Variants in GCNT1 observed in about 807,000 individuals in gnomAD.
GCNT1 encodes beta-1,3-galactosyl-O-glycosyl-glycoprotein beta-1,6-N-acetylglucosaminyltransferase.
In GCNT1, 16 loss-of-function variants were observed where a neutral mutation model predicts 26.2. The observed-to-expected ratio is 0.61, with a 90% CI of 0.41 to 0.93. GCNT1 has a LOEUF of 0.93. Among genes scored for constraint, GCNT1 ranks in the 40% least tolerant of loss-of-function variants. The pLI, the probability that GCNT1 is intolerant of heterozygous loss-of-function variation, is 0.00. For synonymous variants in GCNT1, 183 were observed against 190.8 expected (o/e 0.96, Z 0.34); for missense variants, 477 against 526.7 (o/e 0.91, Z 0.92).
chr9:76,478,060 C>T (rs968457383), intron 2 of GCNT1, among the ~76,000 whole-genome samples: 1 of 152,148 alleles, frequency 6.6e-6, no homozygotes, highest in African/African-American at 2.4e-5. Context: ...CCAATCAGCA[C>T]TCTGTAAAAT....
upstream of GCNT1, among the ~76,000 whole-genome samples, chr9:76,415,570 G>A (rs555492640): frequency 2.0e-5 from 3 of 152,316 alleles, no homozygotes; most frequent in South Asian, 4.1e-4. Context: ...GTAGAGGGAA[G>A]CCATTTCCCC....
At chr9:76,486,495 T>A (rs933819131) in intron 2 of GCNT1, among the ~76,000 whole-genome samples, 2 of 152,214 alleles carry the variant, frequency 1.3e-5, no homozygotes, top group Non-Finnish European at 2.9e-5. Flanking sequence ...TTAGTCTACC[T>A]TTCAGCAGAA....
At chr9:76,396,623 C>T in the GCNT1 span, among the ~76,000 whole-genome samples, 1 of 152,062 alleles carries the variant, frequency 6.6e-6, no homozygotes, top group Non-Finnish European at 1.5e-5. Flanking sequence ...CGGTGGATCA[C>T]TTGAGCTCAG....
At chr9:76,443,937 GGA>G (rs1823526648) in intron 1 of GCNT1, among the ~76,000 whole-genome samples, 1 of 55,056 alleles carries the variant, frequency 1.8e-5, no homozygotes, top group African/African-American at 6.9e-5. Flanking sequence ...AAGAAAGGAA[GGA>G]AGGAAGGAAG....
intron 1 of GCNT1, among the ~76,000 whole-genome samples, chr9:76,421,038 G>T (rs1823183927): frequency 6.6e-6 from 1 of 151,904 alleles, no homozygotes; most frequent in African/African-American, 2.4e-5. Context: ...GTTAGTGGTG[G>T]TTCTGAATGT....
At chr9:76,498,760 C>T (rs1244130872) in intron 2 of GCNT1, among the ~76,000 whole-genome samples, 1 of 98,488 alleles carries the variant, frequency 1.0e-5, no homozygotes, top group Non-Finnish European at 2.0e-5. Flanking sequence ...GCAACAAGAG[C>T]AAAATTCCAG....
chr9:76,398,832 G>T, the GCNT1 span: 17 of 1,402,690 alleles, frequency 1.2e-5, no homozygotes, highest in Non-Finnish European at 1.5e-5. Context: ...AAAAGTAATG[G>T]CATCTATATC....
At chr9:76,428,939 A>G (rs1823296840) in intron 1 of GCNT1, among the ~76,000 whole-genome samples, 1 of 152,126 alleles carries the variant, frequency 6.6e-6, no homozygotes, top group Admixed American at 6.6e-5. Flanking sequence ...ACCTCAGGTG[A>G]TCTGTCTGCC....
the GCNT1 span, among the ~76,000 whole-genome samples, chr9:76,401,635 T>G: frequency 1.3e-5 from 2 of 152,222 alleles, no homozygotes; most frequent in Admixed American, 6.5e-5. Flanking sequence ...AGAGCAAACA[T>G]GTTTATTATC....
intron 2 of GCNT1, among the ~76,000 whole-genome samples, chr9:76,496,540 A>G (rs1025487849): frequency 2.0e-5 from 3 of 152,006 alleles, no homozygotes; most frequent in Non-Finnish European, 2.9e-5. Flanking sequence ...TTCCCACTCC[A>G]TTAAGCACTC....
the GCNT1 span, among the ~76,000 whole-genome samples, chr9:76,413,894 G>A: frequency 6.6e-6 from 1 of 151,690 alleles, no homozygotes; most frequent in African/African-American, 2.4e-5. Context: ...TTTTTGTCCA[G>A]TCTTTTTTGT....
chr9:76,401,459 T>C, the GCNT1 span, among the ~76,000 whole-genome samples: 1 of 152,184 alleles, frequency 6.6e-6, no homozygotes, highest in African/African-American at 2.4e-5. Context: ...ACCACAAATG[T>C]ATTTGTGGTT....
intron 1 of GCNT1, among the ~76,000 whole-genome samples, chr9:76,443,894 A>AAAGGAAGGAAGAAAGG (rs1554731372): frequency 5.5e-5 from 7 of 127,398 alleles, no homozygotes; most frequent in African/African-American, 2.3e-4. Context: ...AGAAAGAAAG[A>AAAGGAAGGAAGAAAGG]AAGAAAGGAA....
chr9:76,483,060 G>A (rs1341201820), intron 2 of GCNT1, among the ~76,000 whole-genome samples: 2 of 152,032 alleles, frequency 1.3e-5, no homozygotes, highest in African/African-American at 2.4e-5. Context: ...TCTAATATTT[G>A]TATTACAATG....
rs150237391 is a variant in GCNT1 at position 76,484,994 on chromosome 9, G to A, written c.-289-15922G>A. Among the ~76,000 whole-genome samples, 824 of 151,924 alleles carry A rather than the reference G, an allele frequency of 5.4e-3. 9 individuals are homozygous for A. Among genetic ancestry groups the A allele is most frequent in the South Asian group, 0.052 (249 of 4,798 alleles). On this transcript the variant is annotated intron_variant, in intron 2 of 3. Coordinates refer to ENST00000376730, the MANE Select transcript of GCNT1 (RefSeq NM_001490.5). ...AGTAAACACGGGGTTTCACCATGTT[G>A]GCCAGGCTTGTCTCAAACTCCAGAC...
chr9:76,477,429 G>C (rs1028467126), intron 2 of GCNT1, among the ~76,000 whole-genome samples: 5 of 151,978 alleles, frequency 3.3e-5, no homozygotes, highest in Non-Finnish European at 7.4e-5. Flanking sequence ...AGGAGGCTGA[G>C]GCAGGAGAAT....
chr9:76,433,691 G>T lies in GCNT1; in HGVS notation n.38+13804G>T, dbSNP rs147203177. Among the ~76,000 whole-genome samples, 984 of 152,312 alleles carry T rather than the reference G, an allele frequency of 6.5e-3. 11 individuals are homozygous for T. Among genetic ancestry groups the T allele is most frequent in the Non-Finnish European group, 9.8e-3 (667 of 68,024 alleles). ...AGGCTGAGTGGGCAGGGTGCCTCTTGCAGGGAGCCCTGGGCTGAGGGAAGC... is the reference window on the plus strand; with the variant it reads ...AGGCTGAGTGGGCAGGGTGCCTCTTTCAGGGAGCCCTGGGCTGAGGGAAGC... On this transcript the variant is annotated intron_variant and non_coding_transcript_variant, in intron 1 of 3. Transcript: ENST00000488136.
At chr9:76,478,232 G>A (rs1824307257) in intron 2 of GCNT1, among the ~76,000 whole-genome samples, 1 of 152,216 alleles carries the variant, frequency 6.6e-6, no homozygotes, top group African/African-American at 2.4e-5. Context: ...AAATCTTGCT[G>A]TTGGTCACTC....
rs555181919 is a variant in GCNT1, at chr9:76,465,641, CAT to C, written c.-290+5465_-290+5466del. Among the ~76,000 whole-genome samples the C allele has an allele frequency of 1.1e-4, 17 of 152,348 alleles. No individual in the cohort carries two copies. The East Asian group carries it at 2.1e-3, about 19-fold the overall frequency. On this transcript the variant is annotated intron_variant, in intron 2 of 3. Transcript: ENST00000376730. ...GTTACGCAGGCACAGCCTGTGCAAT[CAT>C]GTGGCCACCCTGGGGAGGAGGAGGG... is the stretch of plus-strand genomic sequence containing the variant.
Sources: allele counts gnomAD v4.1 joint callset (sites outside exome capture counted in the v4.1 genomes callset), GRCh38; gene constraint gnomAD v4.1.1; transcripts MANE v1.5; gene names NCBI Gene and HGNC (gene_info 2026-07-23, HGNC 2026-07-21).